The following OSBPL10 variants were observed in gnomAD, a reference collection of about 807,000 sequenced individuals.
OSBPL10 encodes the protein oxysterol binding protein like 10.
A neutral mutation model predicts 81.7 loss-of-function variants in OSBPL10; 49 were observed. The observed-to-expected ratio is 0.60, with a 90% CI of 0.48 to 0.76. The LOEUF is 0.76. OSBPL10 is among the 30% of genes least tolerant of loss of function. The probability of loss-of-function intolerance (pLI) is 0.00; values close to 1 mark genes in which losing one functional copy is unlikely to be tolerated. For synonymous variants in OSBPL10, 419 were observed against 383.6 expected, an observed-to-expected ratio of 1.09 and a Z score of -1.08; for missense variants, 923 against 987.8, an observed-to-expected ratio of 0.93 and a Z score of 0.88.
At chr3:32,077,654 G>A (rs1699887460), upstream of OSBPL10, 1 of 152,178 alleles carries the variant, frequency 6.6e-6, no homozygotes, top group African/African-American at 2.4e-5. Context: ...AGGGTAAGGA[G>A]GGCGCTGCAT....
Position 31,990,272 on chromosome 3 carries a change from A to G in OSBPL10, n.298+56219T>C, listed in dbSNP as rs771519109. On this transcript the variant is annotated intron_variant and non_coding_transcript_variant, in intron 2 of 3. Transcript: ENST00000479173. ...GCAATCCATGGTATAGGGAAACTTT[A>G]TAAATGTAATGATTGTCACAAAGTC... The G allele has an allele frequency of 3.1e-6, 5 of 1,613,982 alleles. No individual in the cohort carries two copies. In the African/African-American group the frequency reaches 5.3e-5, roughly 17 times the overall value.
At chr3:32,016,601 A>G (rs918007496) in intron 2 of OSBPL10, among the ~76,000 whole-genome samples, 6 of 152,202 alleles carry the variant, frequency 3.9e-5, no homozygotes, top group Non-Finnish European at 7.3e-5. Context: ...ATAATTTAGA[A>G]AAAAATAAAA....
intron 2 of OSBPL10, among the ~76,000 whole-genome samples, chr3:31,992,331 T>A (rs554798767): frequency 2.0e-5 from 3 of 152,300 alleles, no homozygotes; most frequent in African/African-American, 7.2e-5. Context: ...TATAAAATAT[T>A]ACCATAAACA....
At chr3:31,776,734 G>A (rs1241757474) in intron 4 of OSBPL10, among the ~76,000 whole-genome samples, 1 of 152,158 alleles carries the variant, frequency 6.6e-6, no homozygotes, top group Admixed American at 6.5e-5. Context: ...GAAATATTCA[G>A]AAGAGGCAAA....
upstream of OSBPL10, among the ~76,000 whole-genome samples, chr3:31,984,841 G>T (rs909380053): frequency 6.6e-6 from 1 of 152,200 alleles, no homozygotes; most frequent in Non-Finnish European, 1.5e-5. Context: ...GCCTGTGCCC[G>T]GGAATGAACA....
intron 7 of OSBPL10, among the ~76,000 whole-genome samples, chr3:31,688,283 T>TCTCACACACACACACACACA (rs1246299416): frequency 1.7e-5 from 2 of 115,408 alleles, no homozygotes; most frequent in Non-Finnish European, 3.5e-5. Context: ...TCTCTCTCTC[T>TCTCACACACACACACACACA]CACACACACA....
At chr3:31,763,308 A>G (rs1404857006) in intron 4 of OSBPL10, among the ~76,000 whole-genome samples, 1 of 152,182 alleles carries the variant, frequency 6.6e-6, no homozygotes, top group African/African-American at 2.4e-5. Flanking sequence ...ATCTACTGTC[A>G]TTTCTCAGCA....
chr3:31,733,657 T>C (rs113299178), intron 5 of OSBPL10, among the ~76,000 whole-genome samples: 43 of 150,040 alleles, frequency 2.9e-4, no homozygotes, highest in South Asian at 1.1e-3. Flanking sequence ...ACAAAAACAA[T>C]TGCGATTTAC....
chr3:31,996,088 G>A lies in OSBPL10; in HGVS notation n.298+50403C>T, dbSNP rs149284882. On this transcript the variant is annotated intron_variant and non_coding_transcript_variant, in intron 2 of 3. Coordinates refer to the OSBPL10 transcript ENST00000479173. ...GGGGCTGCCAGTTTCAAGGCAGAAT[G>A]TTCTTGACTGGATGCCATTTAAACG... Among the ~76,000 whole-genome samples the A allele has an allele frequency of 3.9e-4, 60 of 152,304 alleles. No individual in the cohort carries two copies. In the East Asian group the frequency reaches 6.8e-3, roughly 17 times the overall value.
At chr3:31,967,681 T>A (rs1698439614) in intron 1 of OSBPL10, among the ~76,000 whole-genome samples, 1 of 152,112 alleles carries the variant, frequency 6.6e-6, no homozygotes, top group African/African-American at 2.4e-5. Context: ...TCCCAAACCT[T>A]TGGTTTAATG....
At chr3:31,739,729 A>C (rs961945812) in intron 5 of OSBPL10, among the ~76,000 whole-genome samples, 9 of 152,204 alleles carry the variant, frequency 5.9e-5, no homozygotes, top group African/African-American at 9.6e-5. Context: ...TCTTGATCTT[A>C]AACTTCCAGC....
chr3:31,918,723 G>C (rs1423080128), intron 1 of OSBPL10, among the ~76,000 whole-genome samples: 3 of 152,126 alleles, frequency 2.0e-5, no homozygotes, highest in African/African-American at 7.2e-5. Context: ...CCCATTTCCT[G>C]TGCCATGTGG....
At chr3:31,870,186 G>C (rs1216355934) in intron 3 of OSBPL10, among the ~76,000 whole-genome samples, 1 of 152,244 alleles carries the variant, frequency 6.6e-6, no homozygotes, top group African/African-American at 2.4e-5. Context: ...TTCCAGGTGG[G>C]CGTGGGCTTG....
At chr3:31,809,777 T>C (rs1199377454) in intron 4 of OSBPL10, among the ~76,000 whole-genome samples, 22 of 151,920 alleles carry the variant, frequency 1.4e-4, no homozygotes. Flanking sequence ...TAGGTAGCAC[T>C]GCCGTATCAG....
chr3:31,899,639 G>A (rs1163031201), intron 1 of OSBPL10, among the ~76,000 whole-genome samples: 1 of 152,128 alleles, frequency 6.6e-6, no homozygotes, highest in Non-Finnish European at 1.5e-5. Context: ...AGACCAGCCT[G>A]GGCAAATAGG....
At chr3:31,799,138 T>C (rs1699311811) in intron 4 of OSBPL10, among the ~76,000 whole-genome samples, 1 of 152,096 alleles carries the variant, frequency 6.6e-6, no homozygotes, top group African/African-American at 2.4e-5. Flanking sequence ...CATAAGACCC[T>C]TCCAGAACTA....
chr3:31,746,274 C>T (rs914294963), intron 5 of OSBPL10, among the ~76,000 whole-genome samples: 1 of 152,102 alleles, frequency 6.6e-6, no homozygotes, highest in Non-Finnish European at 1.5e-5. Flanking sequence ...TTTACTGCAG[C>T]GAGGTGAGTG....
intron 4 of OSBPL10, among the ~76,000 whole-genome samples, chr3:31,766,118 C>T (rs138504628): frequency 4.6e-5 from 7 of 152,196 alleles, no homozygotes; most frequent in African/African-American, 1.7e-4. Flanking sequence ...TCTACCCAAT[C>T]CTCTAGTTTC....
chr3:31,883,966 C>T (rs1464588782), intron 1 of OSBPL10, among the ~76,000 whole-genome samples: 5 of 152,230 alleles, frequency 3.3e-5, no homozygotes, highest in Admixed American at 2.6e-4. Flanking sequence ...TCTCTCCTTA[C>T]CGCTCCTACC....
Sources: gnomAD v4.1 joint callset for allele counts (sites outside exome capture counted in the v4.1 genomes callset) on GRCh38, gnomAD v4.1.1 for gene constraint, MANE v1.5 for transcripts, NCBI Gene and HGNC (gene_info 2026-07-23, HGNC 2026-07-21) for gene names.